The following PLEKHA2 variants were observed in gnomAD, a reference collection of about 807,000 sequenced individuals.
PLEKHA2 encodes pleckstrin homology domain containing A2.
A neutral mutation model predicts 53.2 loss-of-function variants in PLEKHA2; 28 were observed. The ratio of observed to expected loss-of-function variants is 0.53; its 90% CI spans 0.39 to 0.72. PLEKHA2 has a LOEUF of 0.72. Ranked by LOEUF, PLEKHA2 falls within the 30% of genes least tolerant of loss-of-function variation. The probability of loss-of-function intolerance (pLI) is 0.00; values close to 1 mark genes in which losing one functional copy is unlikely to be tolerated. For missense variants in PLEKHA2, 426 were observed against 537.9 expected, an observed-to-expected ratio of 0.79 and a Z score of 2.06; for synonymous variants, 193 against 196.4, an observed-to-expected ratio of 0.98 and a Z score of 0.14.
intron 3 of PLEKHA2, among the ~76,000 whole-genome samples, chr8:38,938,750 T>C (rs1834543387): frequency 6.6e-6 from 1 of 152,150 alleles, no homozygotes. Flanking sequence ...TGTGGCCACC[T>C]CGGCTGTGTG....
intron 5 of PLEKHA2, among the ~76,000 whole-genome samples, chr8:38,949,195 T>G (rs1834777494): frequency 6.6e-6 from 1 of 151,928 alleles, no homozygotes; most frequent in Admixed American, 6.6e-5. Flanking sequence ...AATCCTGGCT[T>G]TGGGTAAATG....
In PLEKHA2 at chr8:38,941,055, CTT is replaced by C. The variant is rs33938196; in HGVS notation, c.199-2717_199-2716del. ...TGTGAGCTAAGAAAATCTAAGGTAT[CTT>C]TTTTTTTTTTTTTTTTAAAGACAGA... On this transcript the variant is annotated intron_variant, in intron 3 of 11. Transcript: ENST00000617275. 8.9e-3 allele frequency among the ~76,000 whole-genome samples: 1,248 copies of C among 139,954 alleles called. 8 individuals are homozygous for C. The highest frequency in any genetic ancestry group is 0.021 in the African/African-American group (805 of 37,686). The allele number at this position is 139,954 out of a possible 152,430, so 91.8% of individuals were successfully genotyped here. A position where few individuals can be genotyped will look rare whatever the true frequency, so the allele number is the denominator to read the frequency against.
Position 38,971,557 on chromosome 8 carries a change from T to C in PLEKHA2, c.*1774T>C, listed in dbSNP as rs1382213571. 6.6e-6 allele frequency: 1 copy of C among 152,238 alleles called. No individual in the cohort carries two copies. The highest frequency in any genetic ancestry group is 1.5e-5 in the Non-Finnish European group (1 of 68,048). The allele number at this position is 152,238 out of a possible 1,614,324, so 9.4% of individuals were successfully genotyped here. A position where few individuals can be genotyped will look rare whatever the true frequency, so the allele number is the denominator to read the frequency against. ...AACTCATGAAAATAGGGACTTTTGA[T>C]ATCTCTTTAAATATTCCCTGACTCA... On this transcript the variant is annotated 3_prime_UTR_variant, in exon 12 of 12. Coordinates refer to ENST00000617275, the MANE Select transcript of PLEKHA2 (RefSeq NM_021623.2).
At chr8:38,928,999 G>T (rs1049543680) in intron 2 of PLEKHA2, among the ~76,000 whole-genome samples, 1 of 152,180 alleles carries the variant, frequency 6.6e-6, no homozygotes. Flanking sequence ...CGGCAGCTAT[G>T]CTCCTCCTTC....
chr8:38,924,054 G>A (rs1367353148), intron 2 of PLEKHA2, among the ~76,000 whole-genome samples: 1 of 152,028 alleles, frequency 6.6e-6, no homozygotes, highest in Non-Finnish European at 1.5e-5. Context: ...GTGTCACCAC[G>A]TTGGCTAGGC....
At chr8:38,966,733 G>C (rs4301415) in intron 10 of PLEKHA2, among the ~76,000 whole-genome samples, 106,590 of 152,062 alleles carry the variant, frequency 0.7, 37,615 homozygotes, top group African/African-American at 0.8. Context: ...GCTTGGTGCT[G>C]CGAGTCCCAC....
chr8:38,954,149 C>T (rs1834894156), intron 9 of PLEKHA2, among the ~76,000 whole-genome samples: 1 of 152,174 alleles, frequency 6.6e-6, no homozygotes, highest in Non-Finnish European at 1.5e-5. Flanking sequence ...CAGATATCAT[C>T]AGGAAAGCTG....
intron 10 of PLEKHA2, among the ~76,000 whole-genome samples, chr8:38,958,385 G>C (rs950327817): frequency 3.3e-5 from 5 of 152,140 alleles, no homozygotes; most frequent in African/African-American, 1.2e-4. Context: ...TTGGTTTAAA[G>C]GTGTGGTTTC....
rs1367917165 is a variant in PLEKHA2 at position 38,922,852 on chromosome 8, C to CATGAGCACAACCTG, written c.141+4782_141+4783insATGAGCACAACCTG. Among the ~76,000 whole-genome samples, 1 of 152,176 alleles carries CATGAGCACAACCTG rather than the reference C, an allele frequency of 6.6e-6. No homozygotes were observed. The highest frequency in any genetic ancestry group is 2.4e-5 in the African/African-American group (1 of 41,438). ...GCCTAGGGTCTGTTGTTACTCTTTG[C>CATGAGCACAACCTG]TCATGGTTGTGCAGGTGGTAAATGC... On this transcript the variant is annotated intron_variant, in intron 2 of 11. Transcript: ENST00000617275. This position sits in a 1 kb window ranked among gnomAD's most constrained non-coding sequence, Gnocchi z 4.0.
At chr8:38,940,937 A>G (rs1366924261) in intron 3 of PLEKHA2, among the ~76,000 whole-genome samples, 2 of 151,968 alleles carry the variant, frequency 1.3e-5, no homozygotes, top group Non-Finnish European at 2.9e-5. Flanking sequence ...TAATCATTTT[A>G]CTTTTGGAAT....
chr8:38,940,073 C>T (rs9298647), intron 3 of PLEKHA2, among the ~76,000 whole-genome samples: 105,554 of 142,538 alleles, frequency 0.74, 39,012 homozygotes, highest in Non-Finnish European at 0.78. Context: ...CAGCCTGAGA[C>T]AGAGTGAGAC....
In PLEKHA2 at chr8:38,952,381, C is replaced by T. The variant is rs377061403; in HGVS notation, c.633+69C>T. 2.0e-5 allele frequency: 31 copies of T among 1,559,490 alleles called. No individual in the cohort carries two copies. The South Asian group carries it at 2.9e-4, about 15-fold the overall frequency. On this transcript the variant is annotated intron_variant, in intron 7 of 11. Coordinates refer to ENST00000617275, the MANE Select transcript of PLEKHA2 (RefSeq NM_021623.2). ...TCAGAGCCAGTGGCTGTAGACATAGCAGAGGTGAGAGGGGATTGACAGGAG... is the reference window on the plus strand; with the variant it reads ...TCAGAGCCAGTGGCTGTAGACATAGTAGAGGTGAGAGGGGATTGACAGGAG...
intron 2 of PLEKHA2, 34 bp downstream of exon 2, chr8:38,918,104 G>T (rs1588238845): frequency 6.2e-7 from 1 of 1,602,278 alleles, no homozygotes; most frequent in South Asian, 1.1e-5. Flanking sequence ...TGGGGCGACT[G>T]GGTGCCCATC....
chr8:38,925,674 T>C (rs1007181029), intron 2 of PLEKHA2, among the ~76,000 whole-genome samples: 5 of 152,226 alleles, frequency 3.3e-5, no homozygotes, highest in Admixed American at 6.5e-5. Flanking sequence ...GTTCTTTCCA[T>C]TGATGGGGTG....
intron 1 of PLEKHA2, among the ~76,000 whole-genome samples, chr8:38,909,066 C>G (rs1833918845): frequency 6.6e-6 from 1 of 152,002 alleles, no homozygotes; most frequent in Non-Finnish European, 1.5e-5. Context: ...TAGCTTGAAC[C>G]TGGGAGGCGG....
At chr8:38,944,091 ATT>A (rs1476962357) in intron 4 of PLEKHA2, among the ~76,000 whole-genome samples, 1 of 151,334 alleles carries the variant, frequency 6.6e-6, no homozygotes, top group Non-Finnish European at 1.5e-5. Flanking sequence ...TTTTAGTTTT[ATT>A]TTTTAAGTTG....
intron 9 of PLEKHA2, among the ~76,000 whole-genome samples, chr8:38,954,372 G>A (rs567999957): frequency 6.6e-6 from 1 of 152,204 alleles, no homozygotes; most frequent in Non-Finnish European, 1.5e-5. Context: ...GGCTCTAGAA[G>A]TAGGCAGAGG....
intron 1 of PLEKHA2, among the ~76,000 whole-genome samples, chr8:38,906,883 G>A (rs868847070): frequency 6.6e-6 from 1 of 152,184 alleles, no homozygotes; most frequent in East Asian, 1.9e-4. Flanking sequence ...GACATGGTCC[G>A]TATGTATTCT....
At chr8:38,948,085 CA>C (rs386412587) in intron 5 of PLEKHA2, among the ~76,000 whole-genome samples, 4,719 of 118,972 alleles carry the variant, frequency 0.04, 86 homozygotes, top group Middle Eastern at 0.065. Flanking sequence ...GACTCCATCT[CA>C]AAAAAAAAAA....
Sources: gnomAD v4.1 joint callset for allele counts (sites outside exome capture counted in the v4.1 genomes callset) on GRCh38, gnomAD v4.1.1 for gene constraint, Gnocchi (gnomAD v3.1) non-coding constraint, MANE v1.5 for transcripts, NCBI Gene and HGNC (gene_info 2026-07-23, HGNC 2026-07-21) for gene names.